Variants in ADGRB3 observed in about 807,000 individuals in gnomAD.
The protein encoded by ADGRB3 is brain-specific angiogenesis inhibitor 3.
A neutral mutation model predicts 193.4 loss-of-function variants in ADGRB3; 37 were observed. That is an observed-to-expected ratio of 0.19 (90% CI 0.15 to 0.25). The LOEUF (loss-of-function observed/expected upper bound fraction) is 0.25, where lower values mean the gene tolerates loss of function less well. Among genes scored for constraint, ADGRB3 ranks in the 10% least tolerant of loss-of-function variants. ADGRB3 has a pLI of 1.00. For synonymous variants in ADGRB3, 690 were observed against 644.2 expected, an observed-to-expected ratio of 1.07 and a Z score of -1.08; for missense variants, 1,637 against 1,852.9, an observed-to-expected ratio of 0.88 and a Z score of 2.14.
intron 3 of ADGRB3, among the ~76,000 whole-genome samples, chr6:68,715,281 G>T (rs112687598): frequency 6.6e-6 from 1 of 151,178 alleles, no homozygotes; most frequent in Non-Finnish European, 1.5e-5. Flanking sequence ...ATTGTGTAAC[G>T]CACGTCTGCA....
chr6:69,162,837 A>G (rs557932241), intron 17 of ADGRB3, among the ~76,000 whole-genome samples: 4 of 152,240 alleles, frequency 2.6e-5, no homozygotes, highest in Admixed American at 1.3e-4. Flanking sequence ...ATGTTTCTCA[A>G]AAGCTTGTCA....
At chr6:68,650,693 A>T (rs916694825) in intron 3 of ADGRB3, among the ~76,000 whole-genome samples, 1 of 152,192 alleles carries the variant, frequency 6.6e-6, no homozygotes, top group Non-Finnish European at 1.5e-5. Context: ...ATTTTTGTGT[A>T]TCTTCTTCGT....
intron 29 of ADGRB3, among the ~76,000 whole-genome samples, chr6:69,368,438 C>G (rs1181585326): frequency 6.6e-6 from 1 of 151,948 alleles, no homozygotes; most frequent in Non-Finnish European, 1.5e-5. Context: ...ATGTGGAAAA[C>G]GAGGGACAGA....
chr6:68,865,491 G>T (rs1008447767), intron 3 of ADGRB3, among the ~76,000 whole-genome samples: 2 of 152,014 alleles, frequency 1.3e-5, no homozygotes, highest in Middle Eastern at 3.2e-3. Flanking sequence ...GCTTTGAAGG[G>T]TCCTGTGGGA....
intron 3 of ADGRB3, among the ~76,000 whole-genome samples, chr6:68,876,398 A>G (rs952608776): frequency 4.6e-5 from 7 of 152,194 alleles, no homozygotes; most frequent in African/African-American, 9.6e-5. Flanking sequence ...AAAGCACAGA[A>G]GTGAAAGCAG....
At chr6:68,652,976 G>A (rs1768401568) in intron 3 of ADGRB3, among the ~76,000 whole-genome samples, 1 of 152,092 alleles carries the variant, frequency 6.6e-6, no homozygotes, top group Non-Finnish European at 1.5e-5. Context: ...ACCATTCTGG[G>A]TTTCTGTAGG....
chr6:68,648,845 C>T (rs1561982548), intron 3 of ADGRB3, among the ~76,000 whole-genome samples: 1 of 150,622 alleles, frequency 6.6e-6, no homozygotes, highest in South Asian at 2.1e-4. Context: ...ATTTGTTCTC[C>T]AATAAGATGC....
chr6:69,330,606 A>T (rs780266056), intron 23 of ADGRB3, 34 bp downstream of exon 23: 1 of 1,534,412 alleles, frequency 6.5e-7, no homozygotes, highest in Non-Finnish European at 8.8e-7. Flanking sequence ...TTGTTTTCTT[A>T]GGAAAAAAAA....
intron 20 of ADGRB3, among the ~76,000 whole-genome samples, chr6:69,261,721 A>G (rs1243661721): frequency 1.3e-5 from 2 of 152,052 alleles, no homozygotes; most frequent in Non-Finnish European, 2.9e-5. Context: ...GGTTTATGTT[A>G]TATAGTACTT....
intron 20 of ADGRB3, among the ~76,000 whole-genome samples, chr6:69,318,337 C>G (rs1283466): frequency 1.3e-5 from 2 of 151,160 alleles, no homozygotes; most frequent in South Asian, 4.2e-4. Context: ...ATTAATGTGA[C>G]CATATGATTT....
intron 3 of ADGRB3, among the ~76,000 whole-genome samples, chr6:68,731,388 T>C (rs1434950117): frequency 2.6e-5 from 4 of 151,514 alleles, no homozygotes; most frequent in African/African-American, 9.7e-5. Flanking sequence ...CAGAAACGAA[T>C]ACATAACAAG....
intron 5 of ADGRB3, among the ~76,000 whole-genome samples, chr6:68,937,164 T>C (rs2150248554): frequency 6.6e-6 from 1 of 152,250 alleles, no homozygotes; most frequent in East Asian, 1.9e-4. Context: ...TTTTATTTCA[T>C]TAAAGTAACT....
At chr6:68,858,574 CAG>C (rs1219166554) in intron 3 of ADGRB3, among the ~76,000 whole-genome samples, 1 of 118,716 alleles carries the variant, frequency 8.4e-6, no homozygotes, top group Non-Finnish European at 1.6e-5. Context: ...GACTGAGTGA[CAG>C]AGTGAGACCC....
chr6:69,044,259 C>T (rs941013972), intron 13 of ADGRB3, among the ~76,000 whole-genome samples: 1 of 152,154 alleles, frequency 6.6e-6, no homozygotes, highest in African/African-American at 2.4e-5. Context: ...CTTACATTCT[C>T]GCTCCTAGAC....
intron 3 of ADGRB3, among the ~76,000 whole-genome samples, chr6:68,692,606 G>T (rs1174310404): frequency 6.6e-6 from 1 of 151,684 alleles, no homozygotes; most frequent in African/African-American, 2.4e-5. Context: ...AAAGGCCCAT[G>T]AAATACACAT....
At chr6:69,342,138 T>C (rs999007936) in intron 26 of ADGRB3, among the ~76,000 whole-genome samples, 1 of 152,174 alleles carries the variant, frequency 6.6e-6, no homozygotes, top group Non-Finnish European at 1.5e-5. Flanking sequence ...TTACAAGTAA[T>C]TAAATCAATC....
chr6:69,034,309 A>C (rs1770801300), intron 13 of ADGRB3, among the ~76,000 whole-genome samples: 1 of 151,698 alleles, frequency 6.6e-6, no homozygotes, highest in African/African-American at 2.4e-5. Context: ...TACTTACCTT[A>C]TTGCCCCCAA....
intron 3 of ADGRB3, among the ~76,000 whole-genome samples, chr6:68,814,080 G>T (rs1451635572): frequency 6.6e-6 from 1 of 152,168 alleles, no homozygotes; most frequent in East Asian, 1.9e-4. Context: ...CCAGTAATGG[G>T]ATGGCTGGGT....
intron 3 of ADGRB3, among the ~76,000 whole-genome samples, chr6:68,859,708 A>G (rs531526300): frequency 2.6e-5 from 4 of 152,264 alleles, no homozygotes; most frequent in Admixed American, 2.0e-4. Context: ...CTAGGATTCA[A>G]TTATCTCCCA....
Sources: allele counts gnomAD v4.1 joint callset (sites outside exome capture counted in the v4.1 genomes callset), GRCh38; gene constraint gnomAD v4.1.1; transcripts MANE v1.5; gene names NCBI Gene and HGNC (gene_info 2026-07-23, HGNC 2026-07-21).